HK2: variants seen among roughly 807,000 people sequenced by gnomAD.
HK2 encodes the protein hexokinase-2.
In HK2, 42 loss-of-function variants were observed where a neutral mutation model predicts 92.9. The observed-to-expected ratio is 0.45, with a 90% CI of 0.35 to 0.58. HK2 has a LOEUF of 0.58. HK2 is among the 20% of genes least tolerant of loss of function. HK2 has a pLI of 0.00. For missense variants in HK2, 978 were observed against 1,245.1 expected, an observed-to-expected ratio of 0.79 and a Z score of 3.23; for synonymous variants, 422 against 468.0, an observed-to-expected ratio of 0.90 and a Z score of 1.27.
At chr2:74,882,042 ATGT>A in intron 11 of HK2, 75 bp from the exon 12 acceptor site, 9 of 1,479,732 alleles carry the variant, frequency 6.1e-6, no homozygotes, top group Non-Finnish European at 8.5e-6. Flanking sequence ...AGAAACATTG[ATGT>A]TGTGCGCAGG....
intron 1 of HK2, chr2:74,835,024 G>T: frequency 6.0e-6 from 2 of 333,738 alleles, no homozygotes; most frequent in Non-Finnish European, 1.2e-5. Flanking sequence ...GCGAGAGCAC[G>T]TGGAGAGAAT....
intron 3 of HK2, among the ~76,000 whole-genome samples, chr2:74,869,137 A>G (rs557281381): frequency 2.0e-5 from 3 of 152,226 alleles, no homozygotes; most frequent in South Asian, 4.1e-4. Context: ...AAAAACAACT[A>G]TGAGACCCAC....
chr2:74,855,051 C>G (rs1280183786), intron 2 of HK2, among the ~76,000 whole-genome samples: 1 of 152,210 alleles, frequency 6.6e-6, no homozygotes, highest in Non-Finnish European at 1.5e-5. Context: ...GGCTGGCGTG[C>G]AATGATGCGA....
At chr2:74,842,728 G>A (rs565095701) in intron 1 of HK2, among the ~76,000 whole-genome samples, 17 of 152,342 alleles carry the variant, frequency 1.1e-4, no homozygotes, top group South Asian at 8.3e-4. Flanking sequence ...GGGCGTAGGA[G>A]ATCCATCCTT....
intron 1 of HK2, among the ~76,000 whole-genome samples, chr2:74,848,328 T>TAA (rs1688491856): frequency 6.6e-6 from 1 of 152,244 alleles, no homozygotes; most frequent in Non-Finnish European, 1.5e-5. Flanking sequence ...GCAGGGCTGT[T>TAA]GATTTCTTAA....
chr2:74,844,576 A>C (rs1467573270), intron 1 of HK2, among the ~76,000 whole-genome samples: 1 of 152,206 alleles, frequency 6.6e-6, no homozygotes, highest in Non-Finnish European at 1.5e-5. Context: ...GGACAGACCC[A>C]GAGGTATTTG....
intron 1 of HK2, among the ~76,000 whole-genome samples, chr2:74,852,229 G>A (rs533516671): frequency 2.2e-3 from 334 of 152,328 alleles, no homozygotes; most frequent in Non-Finnish European, 3.8e-3. Flanking sequence ...ATGTGGCCTC[G>A]CATTGGCTTC....
rs544953312 is a variant in HK2, at chr2:74,870,004, T to TC, written c.375+2220_375+2221insC. 9.1e-3 allele frequency among the ~76,000 whole-genome samples: 1,294 copies of TC among 142,302 alleles called. 23 individuals are homozygous for TC. The highest frequency in any genetic ancestry group is 0.034 in the African/African-American group (1,228 of 36,484). The allele number at this position is 142,302 out of a possible 152,430, so 93.4% of individuals were successfully genotyped here. On this transcript the variant is annotated intron_variant, in intron 3 of 17. Transcript: ENST00000290573. Reference sequence around the variant, plus strand: ...AAGGTCTTTTTTCTTTTCTTTTCTTTTTTTTTTTTTTTTTTGAGACAGTCT... The same window carrying TC: ...AAGGTCTTTTTTCTTTTCTTTTCTTTCTTTTTTTTTTTTTTTGAGACAGTCT...
At chr2:74,874,611 G>A (rs2103964590) in intron 7 of HK2, among the ~76,000 whole-genome samples, 162 bp downstream of exon 7, 1 of 152,272 alleles carries the variant, frequency 6.6e-6, no homozygotes, top group Admixed American at 6.5e-5. Flanking sequence ...TTGCTGAGAG[G>A]ATCTAAAACA....
At chr2:74,874,152 A>G in intron 6 of HK2, 114 bp from the exon 7 acceptor site, 1 of 1,320,486 alleles carries the variant, frequency 7.6e-7, no homozygotes, top group Non-Finnish European at 1.1e-6. Flanking sequence ...CAGAGTCTGC[A>G]GTGAGAAATC....
intron 8 of HK2, among the ~76,000 whole-genome samples, chr2:74,877,821 GC>G (rs1689271340): frequency 6.6e-6 from 1 of 152,196 alleles, no homozygotes; most frequent in African/African-American, 2.4e-5. Flanking sequence ...CCCAGCAGGG[GC>G]AAGAGTGAGG....
chr2:74,875,868 C>T (rs1689217995), intron 7 of HK2, among the ~76,000 whole-genome samples: 1 of 152,174 alleles, frequency 6.6e-6, no homozygotes, highest in Non-Finnish European at 1.5e-5. Context: ...ATTTGCCAGC[C>T]AGACCATGAC....
intron 2 of HK2, among the ~76,000 whole-genome samples, chr2:74,856,163 G>A (rs1304249834): frequency 6.6e-6 from 1 of 151,498 alleles, no homozygotes; most frequent in Non-Finnish European, 1.5e-5. Context: ...GAGGGGAGTA[G>A]GGGCAGGGCG....
chr2:74,837,265 T>C (rs3771798), intron 1 of HK2, among the ~76,000 whole-genome samples: 36,688 of 152,250 alleles, frequency 0.24, 4,737 homozygotes, highest in South Asian at 0.35. Flanking sequence ...TAGAGCACCA[T>C]GCTCTTGAGC....
intron 13 of HK2, 109 bp downstream of exon 13, chr2:74,885,698 G>T: frequency 1.3e-6 from 1 of 798,766 alleles, no homozygotes. Flanking sequence ...TGGGTTGGGA[G>T]GAAGATTAAC....
chr2:74,854,376 A>G lies in HK2; in HGVS notation c.147A>G (p.Lys49=). Residue 49 remains lysine (K), a synonymous_variant, in exon 2 of 18, where the codon AAA becomes AAG. Coordinates refer to ENST00000290573, the MANE Select transcript of HK2 (RefSeq NM_000189.5). ...ISKRFRKEME[K]GLGATTHPTA... ...AGCGGTTCCGCAAGGAGATGGAGAA[A>G]GGGCTTGGAGCCACCACTCACCCTA... 1 of 1,614,110 alleles carries G rather than the reference A, an allele frequency of 6.2e-7. No homozygotes were observed. Among genetic ancestry groups the G allele is most frequent in the Admixed American group, 1.7e-5 (1 of 60,028 alleles).
intron 4 of HK2, 41 bp downstream of exon 4, chr2:74,872,460 G>A (rs538627554): frequency 8.7e-6 from 14 of 1,612,446 alleles, no homozygotes; most frequent in Middle Eastern, 1.6e-4. Flanking sequence ...TCACTCTTGG[G>A]GCTGGGAGGG....
intron 1 of HK2, among the ~76,000 whole-genome samples, chr2:74,850,500 T>C (rs1041619465): frequency 6.6e-6 from 1 of 152,196 alleles, no homozygotes; most frequent in African/African-American, 2.4e-5. Flanking sequence ...ATTCGAATAC[T>C]ATGTTTAGTG....
chr2:74,847,755 A>T (rs1488194025), intron 1 of HK2, among the ~76,000 whole-genome samples: 1 of 152,318 alleles, frequency 6.6e-6, no homozygotes, highest in East Asian at 1.9e-4. Flanking sequence ...AGTCAAGGCA[A>T]AAAGGATAGT....
Sources: allele counts gnomAD v4.1 joint callset (sites outside exome capture counted in the v4.1 genomes callset), GRCh38; gene constraint gnomAD v4.1.1; transcripts MANE v1.5; gene names NCBI Gene and HGNC (gene_info 2026-07-23, HGNC 2026-07-21).